The following FGD6 variants were observed in gnomAD, a reference collection of about 807,000 sequenced individuals.
FGD6 encodes the protein FYVE, RhoGEF and PH domain containing 6.
Under a neutral mutation model 149.4 loss-of-function variants are expected in FGD6, and 90 were observed. That is an observed-to-expected ratio of 0.60 (90% CI 0.51 to 0.72). The LOEUF (loss-of-function observed/expected upper bound fraction) is 0.72. Among genes scored for constraint, FGD6 ranks in the 30% least tolerant of loss-of-function variants. The probability of loss-of-function intolerance (pLI) is 0.00; values close to 1 mark genes in which losing one functional copy is unlikely to be tolerated. For synonymous variants in FGD6, 527 were observed against 584.0 expected, an observed-to-expected ratio of 0.90 and a Z score of 1.41; for missense variants, 1,437 against 1,684.8, an observed-to-expected ratio of 0.85 and a Z score of 2.57.
intron 1 of FGD6, among the ~76,000 whole-genome samples, chr12:95,211,608 C>T (rs61937947): frequency 0.11 from 16,752 of 149,334 alleles, 1,360 homozygotes; most frequent in African/African-American, 0.23. Context: ...GACATGATCT[C>T]GGCTCACTGC....
At chr12:95,202,609 G>T (rs769009767) in intron 2 of FGD6, among the ~76,000 whole-genome samples, 2 of 151,678 alleles carry the variant, frequency 1.3e-5, no homozygotes, top group Non-Finnish European at 2.9e-5. Flanking sequence ...GCCCAGGCTG[G>T]TCTCGAACTC....
At position 95,113,702 on chromosome 12, in the gene FGD6, C is replaced by A. The variant is rs1355274304; in HGVS notation, c.3083-1G>T. On this transcript the variant is annotated splice_acceptor_variant, in intron 8 of 20. Transcript: ENST00000343958. LOFTEE classifies it high-confidence loss of function. ...TCTTCTATGAGATTCTTCAAATAAT[C>A]TAGAAAAGAAGAAAAAAAAGTATTT... 3 of 1,577,598 alleles carry A rather than the reference C, an allele frequency of 1.9e-6. No individual in the cohort carries two copies. Among genetic ancestry groups the A allele is most frequent in the Non-Finnish European group, 2.6e-6 (3 of 1,159,988 alleles).
chr12:95,104,987 A>AG lies in FGD6; in HGVS notation c.3497+19_3497+20insC. On this transcript the variant is annotated intron_variant, in intron 14 of 20. Coordinates refer to ENST00000343958, the MANE Select transcript of FGD6 (RefSeq NM_018351.4). Reference sequence around the variant, plus strand: ...TCAGAATGAGAAAAAAAAAAAAAAAAAGAAGAAGAAAAAATTTACCTGGCT... The same window carrying AG: ...TCAGAATGAGAAAAAAAAAAAAAAAAGAGAAGAAGAAAAAATTTACCTGGCT... The AG allele has an allele frequency of 3.4e-6, 5 of 1,451,086 alleles. No homozygotes were observed. The highest frequency in any genetic ancestry group is 4.7e-6 in the Non-Finnish European group (5 of 1,075,012). 89.9% of individuals were successfully genotyped at this position (1,451,086 alleles called of 1,614,324 possible).
intron 1 of FGD6, 150 bp downstream of exon 1, chr12:95,217,075 G>A: frequency 8.3e-7 from 1 of 1,202,642 alleles, no homozygotes; most frequent in South Asian, 1.3e-5. Context: ...AGCCGGCAGC[G>A]AATCCCATTA....
At chr12:95,104,911 T>C in intron 14 of FGD6, 96 bp downstream of exon 14, 1 of 965,458 alleles carries the variant, frequency 1.0e-6, no homozygotes, top group South Asian at 1.6e-5. Context: ...AGATGCTGTC[T>C]CAAAAAAAAC....
chr12:95,215,855 A>G (rs2136308015), intron 1 of FGD6, among the ~76,000 whole-genome samples: 1 of 152,340 alleles, frequency 6.6e-6, no homozygotes, highest in Admixed American at 6.5e-5. Context: ...TTTTAAATAC[A>G]TTTGACACCT....
At chr12:95,083,134 C>G (rs1382460370) in intron 20 of FGD6, among the ~76,000 whole-genome samples, 1 of 147,542 alleles carries the variant, frequency 6.8e-6, no homozygotes, top group Non-Finnish European at 1.5e-5. Flanking sequence ...CAACCTATAA[C>G]AGATTCAGTT....
At position 95,172,040 on chromosome 12, in the gene FGD6, G is replaced by GC. The variant is rs1421109141; in HGVS notation, c.2586+559_2586+560insG. Among the ~76,000 whole-genome samples the GC allele has an allele frequency of 1.5e-4, 21 of 140,382 alleles. 1 individual carries two copies. The highest frequency in any genetic ancestry group is 2.8e-4 in the Non-Finnish European group (18 of 64,438). The allele number at this position is 140,382 out of a possible 152,430, so 92.1% of individuals were successfully genotyped here. A position where few individuals can be genotyped will look rare whatever the true frequency, so the allele number is the denominator to read the frequency against. On this transcript the variant is annotated intron_variant, in intron 3 of 20. Transcript: ENST00000343958. The stretch of plus-strand genomic sequence containing the variant: ...CAGTACAGGGAACAATTCTAAGGGG[G>GC]GGGGGGTTGTTATCAAAAAGCAAGC...
At chr12:95,168,460 TTG>T (rs778501339) in intron 3 of FGD6, among the ~76,000 whole-genome samples, 3 of 152,202 alleles carry the variant, frequency 2.0e-5, no homozygotes, top group Non-Finnish European at 4.4e-5. Flanking sequence ...GGTCAGGAGT[TTG>T]AGACCAGCGT....
chr12:95,186,057 C>T (rs910133763), intron 2 of FGD6, among the ~76,000 whole-genome samples: 3 of 151,796 alleles, frequency 2.0e-5, no homozygotes, highest in South Asian at 2.1e-4. Flanking sequence ...CTTGTTCCCC[C>T]TAGAAATCCC....
intron 2 of FGD6, among the ~76,000 whole-genome samples, chr12:95,198,335 A>G (rs926751545): frequency 1.3e-5 from 2 of 152,010 alleles, no homozygotes; most frequent in South Asian, 2.1e-4. Context: ...AAAGAAAACA[A>G]TAATATCTAT....
At chr12:95,111,193 C>T (rs886140551) in intron 9 of FGD6, among the ~76,000 whole-genome samples, 1 of 152,160 alleles carries the variant, frequency 6.6e-6, no homozygotes, top group Non-Finnish European at 1.5e-5. Context: ...GTTGCCCAGG[C>T]TGGTCTTGAA....
chr12:95,194,498 G>A (rs1881685957), intron 2 of FGD6, among the ~76,000 whole-genome samples: 1 of 152,284 alleles, frequency 6.6e-6, no homozygotes, highest in Non-Finnish European at 1.5e-5. Flanking sequence ...GCTTCCCAAA[G>A]TGCTGGGATT....
At chr12:95,102,227 T>C (rs1229815061) in intron 14 of FGD6, among the ~76,000 whole-genome samples, 1 of 151,796 alleles carries the variant, frequency 6.6e-6, no homozygotes, top group Non-Finnish European at 1.5e-5. Context: ...GTGGATCACT[T>C]GAGGTCAGGA....
chr12:95,164,277 T>C (rs1880732886), intron 3 of FGD6, among the ~76,000 whole-genome samples: 1 of 151,254 alleles, frequency 6.6e-6, no homozygotes, highest in Non-Finnish European at 1.5e-5. Context: ...AGTCTCGCTC[T>C]GTCACCCAGG....
At chr12:95,213,787 A>C (rs933631506) in intron 1 of FGD6, among the ~76,000 whole-genome samples, 9 of 152,344 alleles carry the variant, frequency 5.9e-5, no homozygotes, top group Non-Finnish European at 1.3e-4. Flanking sequence ...ATTCCCAATA[A>C]ATATAGCAAA....
At position 95,113,687 on chromosome 12, in the gene FGD6, G is replaced by C; in HGVS notation, c.3097C>G (p.Leu1033Val). Residue 1033 changes from leucine to valine, a missense_variant, in exon 9 of 21, where the codon CTC becomes GTC. Leu to Val is a conservative substitution (Grantham distance 32, BLOSUM62 1). Coordinates refer to ENST00000343958, the MANE Select transcript of FGD6 (RefSeq NM_018351.4). ...CTGTAATCTCCAGCATCTTCTATGA[G>C]ATTCTTCAAATAATCTAGAAAAGAA... ...RLLLTDYLKN[L>V]IEDAGDYRDT... The C allele has an allele frequency of 6.3e-7, 1 of 1,591,818 alleles. No individual in the cohort carries two copies.
intron 3 of FGD6, among the ~76,000 whole-genome samples, chr12:95,170,031 G>C (rs1014616936): frequency 1.3e-5 from 2 of 152,044 alleles, no homozygotes; most frequent in East Asian, 3.9e-4. Context: ...TGAGGCAGGA[G>C]AATCGCTTGA....
chr12:95,126,123 A>C, intron 8 of FGD6: 3 of 1,033,374 alleles, frequency 2.9e-6, no homozygotes, highest in Non-Finnish European at 4.6e-6. Context: ...GAGGGACAGA[A>C]TAATCAAGAA....
Sources: allele counts gnomAD v4.1 joint callset (sites outside exome capture counted in the v4.1 genomes callset), GRCh38; gene constraint gnomAD v4.1.1; transcripts MANE v1.5; gene names NCBI Gene and HGNC (gene_info 2026-07-23, HGNC 2026-07-21).